Variants in FAS observed in about 807,000 individuals in gnomAD.
FAS encodes the protein tumor necrosis factor receptor superfamily member 6.
In FAS, 5 loss-of-function variants were observed where a neutral mutation model predicts 33.2. The observed-to-expected ratio is 0.15, with a 90% CI of 0.08 to 0.32. The LOEUF (loss-of-function observed/expected upper bound fraction) is 0.32. Among genes scored for constraint, FAS ranks in the 10% least tolerant of loss-of-function variants. The pLI is 1.00. For synonymous variants in FAS, 131 were observed against 130.7 expected (o/e 1.00, Z -0.01); for missense variants, 339 against 386.0 (o/e 0.88, Z 1.02).
rs1846560264 is a variant in FAS at position 88,976,232 on chromosome 10, A to C, written n.260+2885A>C. ...AAAAAAAATCGCCAAAAATCTCATAATGTTTTAAGAAAGTTTACGAATTCG... is the reference window on the plus strand; with the variant it reads ...AAAAAAAATCGCCAAAAATCTCATACTGTTTTAAGAAAGTTTACGAATTCG... On this transcript the variant is annotated intron_variant and non_coding_transcript_variant, in intron 2 of 3. Transcript: ENST00000688239. Among the ~76,000 whole-genome samples the C allele has an allele frequency of 5.9e-5, 9 of 152,310 alleles. No individual in the cohort carries two copies. The South Asian group carries it at 1.9e-3, about 32-fold the overall frequency.
chr10:88,982,277 G>C (rs1187802161), upstream of FAS, among the ~76,000 whole-genome samples: 1 of 152,096 alleles, frequency 6.6e-6, no homozygotes, highest in African/African-American at 2.4e-5. Flanking sequence ...CCCACTAAAT[G>C]GTACCTGGCT....
rs7086301 is a variant in FAS at position 88,973,478 on chromosome 10, T to A, written n.260+131T>A. On this transcript the variant is annotated intron_variant and non_coding_transcript_variant, in intron 2 of 3. Transcript: ENST00000688239. The stretch of plus-strand genomic sequence containing the variant: ...GAAAAACACGTCATTTCATCTTGAT[T>A]ATCAGTTTCTCAAGTACTCATGGAT... 2.0e-3 allele frequency: 1,644 copies of A among 825,990 alleles called. 15 individuals carry two copies. The African/African-American group carries it at 0.026, about 13-fold the overall frequency. The allele number at this position is 825,990 out of a possible 1,614,324, so 51.2% of individuals were successfully genotyped here.
intron 1 of FAS, among the ~76,000 whole-genome samples, chr10:88,973,020 C>T (rs997707249): frequency 1.3e-5 from 2 of 152,168 alleles, no homozygotes; most frequent in African/African-American, 4.8e-5. Context: ...AAAATTGAAA[C>T]CATTTAGAGT....
At chr10:89,010,442 A>G (rs1327735166) in intron 4 of FAS, 97 bp from the exon 5 acceptor site, 2 of 924,716 alleles carry the variant, frequency 2.2e-6, no homozygotes, top group Non-Finnish European at 3.5e-6. Flanking sequence ...AGATGCAAAG[A>G]TGAATAAAAT....
chr10:88,980,237 C>A (rs1017375187), intron 2 of FAS, among the ~76,000 whole-genome samples: 24 of 152,166 alleles, frequency 1.6e-4, no homozygotes, highest in Admixed American at 1.3e-4. Context: ...AAATGTACAA[C>A]TAAGAAGTCA....
chr10:88,964,302 C>G (rs930056687), intron 1 of FAS, among the ~76,000 whole-genome samples: 5 of 152,026 alleles, frequency 3.3e-5, no homozygotes, highest in Admixed American at 3.3e-4. Flanking sequence ...ATGGGAGATA[C>G]CCAGGGAATG....
At chr10:88,991,058 C>T in intron 1 of FAS, 152 bp downstream of exon 1, 1 of 997,040 alleles carries the variant, frequency 1.0e-6, no homozygotes, top group Admixed American at 2.1e-5. Flanking sequence ...GCGTTGGAGA[C>T]TGGCTCCCGG....
chr10:88,970,795 C>G (rs916786481), intron 1 of FAS, among the ~76,000 whole-genome samples: 2 of 152,020 alleles, frequency 1.3e-5, no homozygotes, highest in Non-Finnish European at 2.9e-5. Context: ...GTACAGCACA[C>G]CAACATGGCA....
intron 1 of FAS, among the ~76,000 whole-genome samples, chr10:88,994,400 CTATT>C (rs1413203449): frequency 6.6e-6 from 1 of 152,118 alleles, no homozygotes; most frequent in Non-Finnish European, 1.5e-5. Context: ...GTACTAAAGA[CTATT>C]TACTTATGAT....
intron 1 of FAS, among the ~76,000 whole-genome samples, chr10:88,969,135 T>G (rs1846377191): frequency 6.6e-6 from 1 of 152,182 alleles, no homozygotes; most frequent in African/African-American, 2.4e-5. Flanking sequence ...CTTTTATAAG[T>G]AGGATCTTGA....
intron 1 of FAS, chr10:88,991,206 C>T (rs1307893842): frequency 5.4e-6 from 3 of 551,670 alleles, no homozygotes; most frequent in African/African-American, 1.9e-5. Context: ...CTGCGCTCCA[C>T]GTTGAGGTGG....
chr10:89,009,053 T>C, intron 4 of FAS, 56 bp downstream of exon 4: 2 of 1,452,692 alleles, frequency 1.4e-6, no homozygotes, highest in Admixed American at 1.7e-5. Context: ...GAGTTATCAT[T>C]TTCCTAGGGA....
intron 1 of FAS, among the ~76,000 whole-genome samples, chr10:88,970,235 C>A (rs993971492): frequency 6.6e-6 from 1 of 152,190 alleles, no homozygotes; most frequent in Non-Finnish European, 1.5e-5. Context: ...TTAAGGAGGT[C>A]TTTGGACGTT....
At chr10:88,967,677 A>G (rs1284289514) in intron 1 of FAS, among the ~76,000 whole-genome samples, 3 of 152,186 alleles carry the variant, frequency 2.0e-5, no homozygotes, top group Non-Finnish European at 2.9e-5. Context: ...ATAAAATAGA[A>G]TATTTTGTTT....
chr10:89,007,050 A>G (rs1465779397), intron 2 of FAS, among the ~76,000 whole-genome samples: 3 of 152,202 alleles, frequency 2.0e-5, no homozygotes, highest in Admixed American at 6.5e-5. Flanking sequence ...GGGGAGAACA[A>G]AGAGAACTCT....
At chr10:88,964,797 CA>C (rs1846292249) in intron 1 of FAS, among the ~76,000 whole-genome samples, 1 of 152,114 alleles carries the variant, frequency 6.6e-6, no homozygotes, top group Non-Finnish European at 1.5e-5. Flanking sequence ...TGCAGCTGTA[CA>C]AATTAAGGTA....
rs985613917 is a variant in FAS, at chr10:89,016,857, G to T, written c.*2407G>T. 4.9e-6 allele frequency: 1 copy of T among 204,728 alleles called. No homozygotes were observed. The highest frequency in any genetic ancestry group is 1.0e-5 in the Non-Finnish European group (1 of 99,982). The allele number at this position is 204,728 out of a possible 1,614,324, so 12.7% of individuals were successfully genotyped here. ...TATTGGCATGCCCACAGGGTCTTCT[G>T]ACCTCTGATTAGATCAGACACTTTT... is the stretch of plus-strand genomic sequence containing the variant. On this transcript the variant is annotated 3_prime_UTR_variant, in exon 9 of 9. Coordinates refer to ENST00000652046, the MANE Select transcript of FAS (RefSeq NM_000043.6).
chr10:88,981,528 T>C (rs1392692151), intron 2 of FAS, among the ~76,000 whole-genome samples: 1 of 152,042 alleles, frequency 6.6e-6, no homozygotes, highest in Non-Finnish European at 1.5e-5. Context: ...GAAGGCAAAT[T>C]GAAGAGGTAT....
intron 1 of FAS, among the ~76,000 whole-genome samples, chr10:88,999,000 A>C (rs1847766486): frequency 6.6e-6 from 1 of 151,960 alleles, no homozygotes; most frequent in East Asian, 1.9e-4. Flanking sequence ...TAAAAACACA[A>C]AAATTAGCTG....
Sources: gnomAD v4.1 joint callset for allele counts (sites outside exome capture counted in the v4.1 genomes callset) on GRCh38, gnomAD v4.1.1 for gene constraint, MANE v1.5 for transcripts, NCBI Gene and HGNC (gene_info 2026-07-23, HGNC 2026-07-21) for gene names.